ELP3: variants seen among roughly 807,000 people sequenced by gnomAD.
ELP3 encodes the protein elongator complex protein 3.
A neutral mutation model predicts 74.9 loss-of-function variants in ELP3; 56 were observed. The observed-to-expected ratio is 0.75, with a 90% confidence interval of 0.60 to 0.93. The LOEUF (loss-of-function observed/expected upper bound fraction) is 0.93, where lower values mean the gene tolerates loss of function less well. Ranked by LOEUF, ELP3 falls within the 40% of genes least tolerant of loss-of-function variation. The pLI is 0.00. For missense variants in ELP3, 573 were observed against 686.5 expected (o/e 0.83, Z 1.85); for synonymous variants, 222 against 239.8 (o/e 0.93, Z 0.68).
intron 14 of ELP3, among the ~76,000 whole-genome samples, chr8:28,175,129 C>T (rs4295614): frequency 0.49 from 74,046 of 151,896 alleles, 18,882 homozygotes; most frequent in East Asian, 0.91. Flanking sequence ...CTCTTTGAGG[C>T]TATCCTGCTT....
chr8:28,099,095 A>G (rs1811368896), intron 2 of ELP3, among the ~76,000 whole-genome samples: 2 of 152,272 alleles, frequency 1.3e-5, no homozygotes. Context: ...CTCAGTTAAT[A>G]TTTGTTGACA....
chr8:28,091,103 T>C (rs899149666), upstream of ELP3, among the ~76,000 whole-genome samples: 2 of 152,074 alleles, frequency 1.3e-5, no homozygotes, highest in East Asian at 1.9e-4. Context: ...AGACGGGGTT[T>C]CATCATGTTA....
intron 10 of ELP3, among the ~76,000 whole-genome samples, chr8:28,148,381 C>G (rs1237453404): frequency 2.0e-5 from 3 of 150,670 alleles, no homozygotes; most frequent in Non-Finnish European, 4.4e-5. Context: ...CAGACGCAGT[C>G]TTGACCAGGG....
At chr8:28,171,357 T>C (rs1473323620) in intron 14 of ELP3, among the ~76,000 whole-genome samples, 1 of 152,168 alleles carries the variant, frequency 6.6e-6, no homozygotes, top group East Asian at 1.9e-4. Flanking sequence ...TTTTTCTTTT[T>C]TTTTTTTTAT....
At chr8:28,184,328 G>GC (rs1457031289) in intron 14 of ELP3, among the ~76,000 whole-genome samples, 1 of 152,178 alleles carries the variant, frequency 6.6e-6, no homozygotes, top group Non-Finnish European at 1.5e-5. Flanking sequence ...TCTCAGGCCT[G>GC]CTGCGTCTTA....
At chr8:28,092,912 T>C, upstream of ELP3, 1 of 510,808 alleles carries the variant, frequency 2.0e-6, no homozygotes, top group East Asian at 3.7e-5. Context: ...GTCCCATAGC[T>C]GTACTGCCCA....
chr8:28,097,497 C>T (rs969546468), intron 2 of ELP3, among the ~76,000 whole-genome samples, 179 bp downstream of exon 2: 4 of 151,012 alleles, frequency 2.6e-5, no homozygotes, highest in African/African-American at 7.3e-5. Flanking sequence ...CTGGGGTTAA[C>T]GCCATTCTCC....
In ELP3 at chr8:28,118,223, A is replaced by G. The variant is rs867574855; in HGVS notation, c.617+5050A>G. On this transcript the variant is annotated intron_variant, in intron 7 of 14. Transcript: ENST00000256398. ...ACCTATGAGTCAGCAAGCAGCATTT[A>G]AGGTTAATAGTCTGTTCACGTTAGG... Among the ~76,000 whole-genome samples the G allele has an allele frequency of 9.9e-5, 15 of 152,134 alleles. No individual in the cohort carries two copies. In the South Asian group the frequency reaches 1.0e-3, roughly 11 times the overall value.
intron 10 of ELP3, among the ~76,000 whole-genome samples, chr8:28,145,362 C>G (rs752365740): frequency 3.3e-5 from 5 of 152,302 alleles, no homozygotes; most frequent in Middle Eastern, 3.4e-3. Context: ...TTAGTTATGT[C>G]TTGCTAGGAA....
intron 1 of ELP3, among the ~76,000 whole-genome samples, chr8:28,096,128 T>G (rs1225813304): frequency 6.6e-6 from 1 of 152,192 alleles, no homozygotes; most frequent in Non-Finnish European, 1.5e-5. Flanking sequence ...GTGTGCTCCT[T>G]ATGAGAATCT....
At chr8:28,100,944 G>A (rs1811456002) in intron 3 of ELP3, among the ~76,000 whole-genome samples, 1 of 152,154 alleles carries the variant, frequency 6.6e-6, no homozygotes, top group African/African-American at 2.4e-5. Context: ...TCTGTTATTT[G>A]AATTGGGATA....
chr8:28,133,381 A>G (rs1585685641), intron 9 of ELP3, among the ~76,000 whole-genome samples: 1 of 145,756 alleles, frequency 6.9e-6, no homozygotes, highest in Admixed American at 6.8e-5. Context: ...TCCTTAACCT[A>G]TTGTTGACCT....
intron 10 of ELP3, among the ~76,000 whole-genome samples, chr8:28,138,710 A>G (rs1441667854): frequency 6.6e-6 from 1 of 152,222 alleles, no homozygotes; most frequent in Non-Finnish European, 1.5e-5. Context: ...CACTGAAAAC[A>G]AGCCGAATTA....
In ELP3 at chr8:28,155,954, GC is replaced by G. The variant is rs749370251; in HGVS notation, c.1115del (p.Pro372LeufsTer2). 2 of 1,613,648 alleles carry G rather than the reference GC, an allele frequency of 1.2e-6. No individual in the cohort carries two copies. Among genetic ancestry groups the G allele is most frequent in the South Asian group, 2.2e-5 (2 of 91,064 alleles). The part of the protein sequence containing the change: ...VYRVQRDIPM[P>X]LVSSGVEHGN... ...CTCCTGTGTACAGGGATATTCCAATGCCTTTAGTTAGCTCAGGAGTAGAGCA... is the reference window on the plus strand; with the variant it reads ...CTCCTGTGTACAGGGATATTCCAATGCTTTAGTTAGCTCAGGAGTAGAGCA... On this transcript the variant is annotated frameshift_variant, in exon 11 of 15. Coordinates refer to ENST00000256398, the MANE Select transcript of ELP3 (RefSeq NM_018091.6). LOFTEE classifies it high-confidence loss of function.
At chr8:28,122,158 A>G (rs547270998) in intron 7 of ELP3, among the ~76,000 whole-genome samples, 1 of 152,276 alleles carries the variant, frequency 6.6e-6, no homozygotes, top group African/African-American at 2.4e-5. Context: ...ACCCTATTAT[A>G]TCATCATCTT....
chr8:28,138,392 G>A (rs1175307001), intron 10 of ELP3, among the ~76,000 whole-genome samples: 1 of 152,180 alleles, frequency 6.6e-6, no homozygotes, highest in Non-Finnish European at 1.5e-5. Context: ...TCCTAGAAAA[G>A]AGAAAGTAAG....
intron 14 of ELP3, among the ~76,000 whole-genome samples, chr8:28,185,009 C>T (rs1451049503): frequency 6.6e-6 from 1 of 151,942 alleles, no homozygotes; most frequent in East Asian, 1.9e-4. Flanking sequence ...GTGAATTGTC[C>T]CTGCTAAAGC....
intron 14 of ELP3, among the ~76,000 whole-genome samples, chr8:28,171,912 ACTTTT>A (rs983881030): frequency 1.3e-5 from 2 of 152,210 alleles, no homozygotes; most frequent in Admixed American, 6.5e-5. Context: ...TGTGAGAGAG[ACTTTT>A]CTTTTCCCAT....
intron 7 of ELP3, among the ~76,000 whole-genome samples, chr8:28,128,028 T>C (rs559800909): frequency 3.9e-5 from 6 of 152,338 alleles, no homozygotes; most frequent in Admixed American, 3.9e-4. Context: ...ACAGAAATTT[T>C]ATGATTTTTA....
Sources: gnomAD v4.1 joint callset for allele counts (sites outside exome capture counted in the v4.1 genomes callset) on GRCh38, gnomAD v4.1.1 for gene constraint, MANE v1.5 for transcripts, NCBI Gene and HGNC (gene_info 2026-07-23, HGNC 2026-07-21) for gene names.